PLXNB2: variants seen among roughly 807,000 people sequenced by gnomAD.
PLXNB2 encodes plexin B2, also known as plexin-B2.
Under a neutral mutation model 202.6 loss-of-function variants are expected in PLXNB2, and 85 were observed. The ratio of observed to expected loss-of-function variants is 0.42; its 90% CI spans 0.35 to 0.50. The LOEUF is 0.50. Ranked by LOEUF, PLXNB2 falls within the 20% of genes least tolerant of loss-of-function variation. The pLI is 0.02. For missense variants in PLXNB2, 2,063 were observed against 2,586.2 expected, an observed-to-expected ratio of 0.80 and a Z score of 4.39; for synonymous variants, 1,239 against 1,137.6, an observed-to-expected ratio of 1.09 and a Z score of -1.79.
At chr22:50,296,230 A>AC (rs1555926917) in intron 1 of PLXNB2, among the ~76,000 whole-genome samples, 7 of 146,158 alleles carry the variant, frequency 4.8e-5, no homozygotes, top group East Asian at 1.9e-4. Context: ...ACACACACAC[A>AC]ATAAAAAAGT....
rs1285642310 is a variant in PLXNB2 at position 50,280,520 on chromosome 22, C to T, written c.4144G>A (p.Val1382Met). ...AGCATCAGCTTGGGGTTCTTGGCCA[C>T]CACGTACTGCTCCAGGAGCTCCAGG... ...LFLELLEQYV[V>M]AKNPKLMLRR... The change falls in exon 25 of 37, where the codon GTG becomes ATG. Residue 1382 changes from valine (V) to methionine (M), a missense_variant. Around this residue, in one of 2 missense-constraint regions of PLXNB2, gnomAD observed 760 missense variants for 1,109.4 expected, o/e 0.69. Transcript: ENST00000359337. 3 of 1,610,940 alleles carry T rather than the reference C, an allele frequency of 1.9e-6. No individual in the cohort carries two copies. The highest frequency in any genetic ancestry group is 1.7e-5 in the Admixed American group (1 of 60,012).
intron 1 of PLXNB2, among the ~76,000 whole-genome samples, chr22:50,303,063 G>A (rs1256390638): frequency 1.3e-5 from 2 of 148,444 alleles, no homozygotes; most frequent in Non-Finnish European, 3.0e-5. Flanking sequence ...TGGCTCCCAT[G>A]CCACCCTACC....
intron 1 of PLXNB2, among the ~76,000 whole-genome samples, chr22:50,298,525 A>T (rs1029890996): frequency 6.6e-6 from 1 of 152,176 alleles, no homozygotes; most frequent in Admixed American, 6.5e-5. Flanking sequence ...CAGGCCCCCA[A>T]ACTCCTGCCA....
At position 50,284,710 on chromosome 22, in the gene PLXNB2, C is replaced by A; in HGVS notation, c.2089-45G>T. 1 of 1,458,102 alleles carries A rather than the reference C, an allele frequency of 6.9e-7. No homozygotes were observed. The highest frequency in any genetic ancestry group is 9.6e-7 in the Non-Finnish European group (1 of 1,039,686). The allele number at this position is 1,458,102 out of a possible 1,614,324, so 90.3% of individuals were successfully genotyped here. Reference sequence around the variant, plus strand: ...GACCCTGGACAGGCGGCTGTGGCACCCTGGCCCTCCTCCCAGAACCCCTGC... The same window carrying A: ...GACCCTGGACAGGCGGCTGTGGCACACTGGCCCTCCTCCCAGAACCCCTGC... On this transcript the variant is annotated intron_variant, in intron 11 of 36. Coordinates refer to ENST00000359337, the MANE Select transcript of PLXNB2 (RefSeq NM_012401.4). This position sits in a 1 kb window ranked among gnomAD's most constrained non-coding sequence, Gnocchi z 8.0.
intron 2 of PLXNB2, among the ~76,000 whole-genome samples, 164 bp downstream of exon 2, chr22:50,294,555 C>A (rs940929455): frequency 2.6e-5 from 4 of 152,262 alleles, no homozygotes; most frequent in Non-Finnish European, 5.9e-5. Flanking sequence ...AAGCTCCCCA[C>A]TTCCATCCAG....
chr22:50,275,984 C>A lies in PLXNB2; in HGVS notation c.5338-21G>T, dbSNP rs759820199. 5 of 1,611,122 alleles carry A rather than the reference C, an allele frequency of 3.1e-6. No individual in the cohort carries two copies. The South Asian group carries it at 5.5e-5, about 18-fold the overall frequency. ...TGCGCCTGGGGGGTGACGGGACAGTCAGGGTGGAAAAGGGGCTGTGGGAGC... is the reference window on the plus strand; with the variant it reads ...TGCGCCTGGGGGGTGACGGGACAGTAAGGGTGGAAAAGGGGCTGTGGGAGC... On this transcript the variant is annotated intron_variant, in intron 35 of 36. Coordinates refer to ENST00000359337, the MANE Select transcript of PLXNB2 (RefSeq NM_012401.4).
chr22:50,279,788 C>T lies in PLXNB2; in HGVS notation c.4243-12G>A, dbSNP rs201303780. On this transcript the variant is annotated splice_polypyrimidine_tract_variant and intron_variant, in intron 26 of 36. Coordinates refer to ENST00000359337, the MANE Select transcript of PLXNB2 (RefSeq NM_012401.4). ...TCCCCGGCACTGTCCTGGAGTAACA[C>T]GGAGGGGAGGCTGGGAGGTCAGGGG... 21 of 1,613,578 alleles carry T rather than the reference C, an allele frequency of 1.3e-5. No homozygotes were observed. The highest frequency in any genetic ancestry group is 1.1e-4 in the African/African-American group (8 of 75,040).
In PLXNB2 at chr22:50,283,685, G is replaced by A. The variant is rs752369237; in HGVS notation, c.2487C>T (p.Gly829=). 2.8e-5 allele frequency: 45 copies of A among 1,612,938 alleles called. No homozygotes were observed. The South Asian group carries it at 3.5e-4, about 13-fold the overall frequency. Residue 829 remains glycine, a synonymous_variant, in exon 15 of 37, where the codon GGC becomes GGT. Transcript: ENST00000359337. The stretch of plus-strand genomic sequence containing the variant: ...TCCTCTGGATGTCCCCTGCTTGGAC[G>A]CCCAAATTGGACCCCAGGATGGTGA... ...IRITILGSNL[G]VQAGDIQRIS... is the part of the protein sequence containing the mutation.
intron 8 of PLXNB2, among the ~76,000 whole-genome samples, chr22:50,286,644 G>A (rs1422155996): frequency 1.3e-5 from 2 of 152,208 alleles, no homozygotes; most frequent in Non-Finnish European, 2.9e-5. Flanking sequence ...AGTGGGACCT[G>A]CCAGGTCCCT....
In PLXNB2 at chr22:50,295,545, G is replaced by C. The variant is rs78231800; in HGVS notation, c.-73-767C>G. ...GTAGCATTCAGCAATGCTTGCTATT[G>C]TATCTTCCCTTGCTATTGTATCTTC... is the stretch of plus-strand genomic sequence containing the variant. On this transcript the variant is annotated intron_variant, in intron 1 of 36. Transcript: ENST00000359337. Among the ~76,000 whole-genome samples the C allele has an allele frequency of 7.3e-3, 1,105 of 152,250 alleles. 22 individuals carry two copies. Among genetic ancestry groups the C allele is most frequent in the African/African-American group, 0.025 (1,047 of 41,534 alleles).
chr22:50,306,717 TCAC>T (rs2147742538), intron 1 of PLXNB2, among the ~76,000 whole-genome samples: 2 of 147,328 alleles, frequency 1.4e-5, no homozygotes, highest in African/African-American at 5.3e-5. Context: ...ACCCTCACCC[TCAC>T]CCTCACCCTC....
intron 33 of PLXNB2, 92 bp from the exon 34 acceptor site, chr22:50,276,998 C>G (rs2065649042): frequency 1.2e-6 from 1 of 861,280 alleles, no homozygotes. Context: ...GCCCCGAACT[C>G]CTGACACTTT....
At position 50,287,961 on chromosome 22, in the gene PLXNB2, C is replaced by A; in HGVS notation, c.1457G>T (p.Cys486Phe). 6.3e-7 allele frequency: 1 copy of A among 1,586,700 alleles called. No individual in the cohort carries two copies. Among genetic ancestry groups the A allele is most frequent in the Non-Finnish European group, 8.6e-7 (1 of 1,167,468 alleles). ...TQCRDSQDPYCGWCVVEGRCT... is the reference protein window; with the variant it reads ...TQCRDSQDPYFGWCVVEGRCT... ...CCGTCCCTCGACGACGCACCAGCCGCAGTAGGGGTCCTGGGAGTCGCGGCA... is the reference window on the plus strand; with the variant it reads ...CCGTCCCTCGACGACGCACCAGCCGAAGTAGGGGTCCTGGGAGTCGCGGCA... The change falls in exon 6 of 37, where the codon TGC becomes TTC. Residue 486 changes from cysteine (C) to phenylalanine (F), a missense_variant. By Grantham distance (205) the Cys-to-Phe change is radical. Coordinates refer to ENST00000359337, the MANE Select transcript of PLXNB2 (RefSeq NM_012401.4).
rs2065716007 is a variant in PLXNB2, at chr22:50,277,839, G to A, written c.5048+14C>T. ...GAGCCGGGGCTGGGCCGCGGGGTGG[G>A]TGTGGAGCCTCACCTGTTCGTCTTC... On this transcript the variant is annotated intron_variant, in intron 32 of 36. Coordinates refer to ENST00000359337, the MANE Select transcript of PLXNB2 (RefSeq NM_012401.4). The A allele has an allele frequency of 6.2e-7, 1 of 1,611,012 alleles. No homozygotes were observed. Among genetic ancestry groups the A allele is most frequent in the Non-Finnish European group, 8.5e-7 (1 of 1,178,382 alleles).
At position 50,307,646 on chromosome 22, in the gene PLXNB2, T is replaced by A. The variant is rs949758060; in HGVS notation, c.-167A>T. On this transcript the variant is annotated 5_prime_UTR_variant, in exon 1 of 37. Transcript: ENST00000359337. ...CTGCCATGGAGACGGGGCCTTTGTG[T>A]GGCCGAGGAGGGGCCGGAGCGCGCG... 2.1e-5 allele frequency: 20 copies of A among 972,962 alleles called. No homozygotes were observed. In the African/African-American group the frequency reaches 2.2e-4, roughly 11 times the overall value. The allele number at this position is 972,962 out of a possible 1,614,324, so 60.3% of individuals were successfully genotyped here. A position where few individuals can be genotyped will look rare whatever the true frequency, so the allele number is the denominator to read the frequency against.
In PLXNB2 at chr22:50,275,276, GGACA is replaced by G; in HGVS notation, c.*424_*427del. ...TTTTCTCCTCCTCCCATCTCGTGGT[GGACA>G]GACAGACATAGGATCTGGGAACTTG... On this transcript the variant is annotated 3_prime_UTR_variant, in exon 37 of 37. Transcript: ENST00000359337. 2.5e-6 allele frequency: 1 copy of G among 408,078 alleles called. No homozygotes were observed. Among genetic ancestry groups the G allele is most frequent in the Non-Finnish European group, 4.9e-6 (1 of 203,760 alleles). 25.3% of individuals were successfully genotyped at this position (408,078 alleles called of 1,614,324 possible).
rs147622171 is a variant in PLXNB2 at position 50,306,420 on chromosome 22, G to A, written c.-74+1133C>T. Among the ~76,000 whole-genome samples, 528 of 152,344 alleles carry A rather than the reference G, an allele frequency of 3.5e-3. 2 individuals carry two copies. The highest frequency in any genetic ancestry group is 6.0e-3 in the Non-Finnish European group (408 of 68,020). The stretch of plus-strand genomic sequence containing the variant: ...CCCTCACCTCTGGACAGGAAAGGGA[G>A]GGCTCCTCCCACCAGCTGTTCAGCT... On this transcript the variant is annotated intron_variant, in intron 1 of 36. Coordinates refer to ENST00000359337, the MANE Select transcript of PLXNB2 (RefSeq NM_012401.4).
At position 50,282,696 on chromosome 22, in the gene PLXNB2, G is replaced by A; in HGVS notation, c.2987+15C>T. The A allele has an allele frequency of 6.7e-7, 1 of 1,502,670 alleles. No homozygotes were observed. The highest frequency in any genetic ancestry group is 8.9e-7 in the Non-Finnish European group (1 of 1,118,814). 93.1% of individuals were successfully genotyped at this position (1,502,670 alleles called of 1,614,324 possible). On this transcript the variant is annotated intron_variant, in intron 18 of 36. Transcript: ENST00000359337. The stretch of plus-strand genomic sequence containing the variant: ...GTGTGGGGAGCAGAGGGGGGCGGGG[G>A]GACACCAGCCTCACCTGGCAAAGCT...
chr22:50,276,268 CCG>C, intron 35 of PLXNB2, among the ~76,000 whole-genome samples: 1 of 151,708 alleles, frequency 6.6e-6, no homozygotes, highest in Non-Finnish European at 1.5e-5. Context: ...GTGGGCACGG[CCG>C]TGGGTGCAGC....
Sources: allele counts gnomAD v4.1 joint callset (sites outside exome capture counted in the v4.1 genomes callset), GRCh38; gene constraint gnomAD v4.1.1; regional missense constraint gnomAD v4.1.1; non-coding constraint Gnocchi (gnomAD v3.1); transcripts MANE v1.5; gene names NCBI Gene and HGNC (gene_info 2026-07-23, HGNC 2026-07-21).